Variants in MAGI1 observed in about 807,000 individuals in gnomAD.
The protein encoded by MAGI1 is membrane associated guanylate kinase, WW and PDZ domain containing 1.
A neutral mutation model predicts 139.9 loss-of-function variants in MAGI1; 58 were observed. The ratio of observed to expected loss-of-function variants is 0.41; its 90% CI spans 0.34 to 0.52. The LOEUF is 0.52. Ranked by LOEUF, MAGI1 falls within the 20% of genes least tolerant of loss-of-function variation. MAGI1 has a pLI of 0.12. For missense variants in MAGI1, 1,874 were observed against 1,901.6 expected, an observed-to-expected ratio of 0.99 and a Z score of 0.27; for synonymous variants, 812 against 737.9, an observed-to-expected ratio of 1.10 and a Z score of -1.63.
chr3:65,942,421 T>A (rs2063356861), intron 1 of MAGI1, among the ~76,000 whole-genome samples: 1 of 152,182 alleles, frequency 6.6e-6, no homozygotes, highest in Non-Finnish European at 1.5e-5. Flanking sequence ...AGACAGTTGA[T>A]CATTCTGGGA....
intron 4 of MAGI1, among the ~76,000 whole-genome samples, chr3:65,471,004 G>C (rs1208258275): frequency 6.6e-6 from 1 of 152,190 alleles, no homozygotes; most frequent in Non-Finnish European, 1.5e-5. Context: ...CACTGGCAAA[G>C]ATCAAAGAAT....
At chr3:65,506,102 A>C (rs2077275429) in intron 2 of MAGI1, among the ~76,000 whole-genome samples, 1 of 152,194 alleles carries the variant, frequency 6.6e-6, no homozygotes, top group Admixed American at 6.5e-5. Context: ...GGCAGTCCAG[A>C]GAAACTGTTA....
At chr3:65,543,916 AG>A (rs1479493891) in intron 2 of MAGI1, among the ~76,000 whole-genome samples, 4 of 152,180 alleles carry the variant, frequency 2.6e-5, no homozygotes, top group Non-Finnish European at 4.4e-5. Flanking sequence ...AATAAAACAC[AG>A]GAAGATGTTT....
At chr3:65,423,118 ACAT>A (rs1210193959) in intron 12 of MAGI1, among the ~76,000 whole-genome samples, 1 of 152,158 alleles carries the variant, frequency 6.6e-6, no homozygotes, top group Admixed American at 6.6e-5. Context: ...GCTGATGGGA[ACAT>A]ATAGGACCCC....
chr3:65,552,403 G>A (rs1185231990), intron 2 of MAGI1, among the ~76,000 whole-genome samples: 1 of 152,122 alleles, frequency 6.6e-6, no homozygotes, highest in Non-Finnish European at 1.5e-5. Flanking sequence ...AAAGGTATTT[G>A]AACCCATTTC....
intron 1 of MAGI1, among the ~76,000 whole-genome samples, chr3:65,950,964 G>A (rs1204957422): frequency 7.6e-4 from 1 of 1,322 alleles, no homozygotes. Flanking sequence ...GAAAGAGAAG[G>A]AAGGAAGGAA....
At chr3:65,940,878 C>T (rs1286457072) in intron 1 of MAGI1, among the ~76,000 whole-genome samples, 2 of 152,166 alleles carry the variant, frequency 1.3e-5, no homozygotes, top group Non-Finnish European at 1.5e-5. Context: ...AAACCTTAAA[C>T]CATCCCGTCA....
At chr3:65,799,485 CTGA>C (rs2040376329) in intron 1 of MAGI1, among the ~76,000 whole-genome samples, 1 of 152,180 alleles carries the variant, frequency 6.6e-6, no homozygotes, top group African/African-American at 2.4e-5. Flanking sequence ...TCTCTATCTG[CTGA>C]TGAAGAAGCA....
At chr3:65,822,741 G>A (rs2042015752) in intron 1 of MAGI1, among the ~76,000 whole-genome samples, 2 of 152,286 alleles carry the variant, frequency 1.3e-5, no homozygotes, top group South Asian at 4.1e-4. Flanking sequence ...GCAGGAGTAT[G>A]AGGAAGATAG....
intron 1 of MAGI1, among the ~76,000 whole-genome samples, chr3:65,851,860 T>C (rs1236964737): frequency 3.9e-5 from 6 of 152,186 alleles, no homozygotes; most frequent in African/African-American, 1.2e-4. Context: ...TGTTCAGTAA[T>C]ATAAAAAAGT....
chr3:65,991,225 G>A (rs187937521), intron 1 of MAGI1, among the ~76,000 whole-genome samples: 42 of 149,408 alleles, frequency 2.8e-4, no homozygotes, highest in African/African-American at 1.0e-3. Context: ...GAAGGTGGCG[G>A]TTGCAATGAG....
At chr3:65,886,840 G>T (rs925163332) in intron 1 of MAGI1, among the ~76,000 whole-genome samples, 2 of 152,184 alleles carry the variant, frequency 1.3e-5, no homozygotes, top group African/African-American at 4.8e-5. Context: ...CTATATGTTG[G>T]CTGATACACA....
rs1342664485 is a variant in MAGI1, at chr3:65,795,369, T to A, written c.314-173281A>T. 2.0e-5 allele frequency among the ~76,000 whole-genome samples: 3 copies of A among 152,170 alleles called. No homozygotes were observed. In the East Asian group the frequency reaches 5.8e-4, roughly 29 times the overall value. On this transcript the variant is annotated intron_variant, in intron 1 of 22. Coordinates refer to ENST00000402939, the MANE Select transcript of MAGI1 (RefSeq NM_001033057.2). ...TACTCAGCAATTTTTAAAAATGAAC[T>A]GCTGATACACACAGTAACCTGGATG... is the stretch of plus-strand genomic sequence containing the variant.
chr3:65,669,449 C>T (rs1431037172), intron 1 of MAGI1, among the ~76,000 whole-genome samples: 2 of 152,140 alleles, frequency 1.3e-5, no homozygotes, highest in South Asian at 4.1e-4. Flanking sequence ...TCTCAAAGCA[C>T]TCTCATAATA....
At chr3:65,954,023 A>T in intron 1 of MAGI1, among the ~76,000 whole-genome samples, 1 of 152,086 alleles carries the variant, frequency 6.6e-6, no homozygotes, top group Non-Finnish European at 1.5e-5. Context: ...AGTGGTAGCT[A>T]TAATGTTAAA....
At chr3:65,975,672 A>G (rs75879617) in intron 1 of MAGI1, among the ~76,000 whole-genome samples, 1,930 of 152,244 alleles carry the variant, frequency 0.013, 43 homozygotes, top group African/African-American at 0.044. Flanking sequence ...AAATAAAATA[A>G]TAAAGAAAGA....
At chr3:65,790,574 A>G (rs2039691263) in intron 1 of MAGI1, among the ~76,000 whole-genome samples, 1 of 152,206 alleles carries the variant, frequency 6.6e-6, no homozygotes, top group Non-Finnish European at 1.5e-5. Context: ...TATTTTTCCT[A>G]CAACACAGAG....
intron 1 of MAGI1, among the ~76,000 whole-genome samples, chr3:65,986,665 A>G (rs1002810118): frequency 1.3e-5 from 2 of 152,074 alleles, no homozygotes; most frequent in African/African-American, 4.8e-5. Context: ...GTGGGTTGTT[A>G]TTCGTGTTTG....
At chr3:65,887,577 C>T (rs2060584538) in intron 1 of MAGI1, among the ~76,000 whole-genome samples, 2 of 151,810 alleles carry the variant, frequency 1.3e-5, no homozygotes, top group African/African-American at 2.4e-5. Context: ...TTACCAAATA[C>T]CACAATTTCT....
Sources: allele counts gnomAD v4.1 joint callset (sites outside exome capture counted in the v4.1 genomes callset), GRCh38; gene constraint gnomAD v4.1.1; transcripts MANE v1.5; gene names NCBI Gene and HGNC (gene_info 2026-07-23, HGNC 2026-07-21).